Variants in FHIT observed in about 807,000 individuals in gnomAD.
FHIT encodes fragile histidine triad diadenosine triphosphatase.
FHIT carries 19 observed loss-of-function variants against 17.9 expected under a neutral mutation model. That is an observed-to-expected ratio of 1.06 (90% CI 0.74 to 1.56). The LOEUF (loss-of-function observed/expected upper bound fraction) is 1.56, where lower values mean the gene tolerates loss of function less well. FHIT is among the 40% of genes most tolerant of loss of function. FHIT has a pLI of 0.00. For synonymous variants in FHIT, 81 were observed against 69.7 expected (o/e 1.16, Z -0.81); for missense variants, 248 against 189.2 (o/e 1.31, Z -1.82).
intron 2 of FHIT, among the ~76,000 whole-genome samples, chr3:61,160,655 A>G (rs2037662065): frequency 6.6e-6 from 1 of 152,180 alleles, no homozygotes; most frequent in Non-Finnish European, 1.5e-5. Context: ...TACCATGGGG[A>G]ACAGTGAAAT....
intron 4 of FHIT, among the ~76,000 whole-genome samples, chr3:60,711,416 C>T (rs1490353649): frequency 6.6e-6 from 1 of 152,202 alleles, no homozygotes; most frequent in Non-Finnish European, 1.5e-5. Context: ...TGGAACAAAG[C>T]TGGACAGAGA....
intron 3 of FHIT, among the ~76,000 whole-genome samples, chr3:60,870,400 G>C (rs1207813046): frequency 6.6e-6 from 1 of 152,130 alleles, no homozygotes; most frequent in Non-Finnish European, 1.5e-5. Flanking sequence ...GGCCATTTAA[G>C]CTCTGTCTAG....
intron 3 of FHIT, among the ~76,000 whole-genome samples, chr3:60,911,191 T>G (rs1404059118): frequency 6.6e-6 from 1 of 152,206 alleles, no homozygotes; most frequent in Non-Finnish European, 1.5e-5. Flanking sequence ...CCAGACATTT[T>G]TCAAATATAT....
intron 5 of FHIT, among the ~76,000 whole-genome samples, chr3:60,351,555 T>G (rs200278588): frequency 1.7e-3 from 254 of 152,356 alleles, no homozygotes; most frequent in African/African-American, 5.8e-3. Flanking sequence ...GTAATACTTC[T>G]AAGTTGCATC....
intron 8 of FHIT, among the ~76,000 whole-genome samples, chr3:59,906,717 CAT>C (rs1258902643): frequency 1.3e-5 from 2 of 152,200 alleles, no homozygotes; most frequent in Non-Finnish European, 2.9e-5. Flanking sequence ...TCTCTCTTCA[CAT>C]AGTCTTTCCT....
intron 5 of FHIT, among the ~76,000 whole-genome samples, chr3:60,064,892 A>G (rs1213173954): frequency 6.6e-6 from 1 of 152,208 alleles, no homozygotes; most frequent in Non-Finnish European, 1.5e-5. Context: ...TTAATATCAT[A>G]ATCTTCCCAT....
chr3:60,712,108 G>A (rs2041551314), intron 4 of FHIT, among the ~76,000 whole-genome samples: 1 of 152,128 alleles, frequency 6.6e-6, no homozygotes, highest in Non-Finnish European at 1.5e-5. Flanking sequence ...AAGAGACTGG[G>A]GGCCAATATT....
intron 5 of FHIT, among the ~76,000 whole-genome samples, chr3:60,503,786 A>G (rs1410073997): frequency 1.3e-5 from 2 of 152,202 alleles, no homozygotes; most frequent in Non-Finnish European, 2.9e-5. Context: ...AGTTTTATCT[A>G]AAACTGTTTT....
chr3:60,069,013 G>A (rs890873490), intron 5 of FHIT, among the ~76,000 whole-genome samples: 4 of 152,156 alleles, frequency 2.6e-5, no homozygotes, highest in South Asian at 2.1e-4. Flanking sequence ...TAAAAAGAAT[G>A]AGTAAACTTG....
At position 60,403,128 on chromosome 3, in the gene FHIT, A is replaced by G. The variant is rs1263935153; in HGVS notation, c.103+133732T>C. 1.3e-5 allele frequency among the ~76,000 whole-genome samples: 2 copies of G among 152,236 alleles called. 1 individual carries two copies. The highest frequency in any genetic ancestry group is 2.9e-5 in the Non-Finnish European group (2 of 68,042). On this transcript the variant is annotated intron_variant, in intron 5 of 9. Transcript: ENST00000492590. ...CGTTCAAGTGGTACTTACTTCATTT[A>G]AAAGTAAAAGCCCGGGATAGACAAA...
chr3:60,671,787 A>G (rs1419017500), intron 4 of FHIT, among the ~76,000 whole-genome samples: 2 of 151,022 alleles, frequency 1.3e-5, no homozygotes, highest in African/African-American at 2.4e-5. Flanking sequence ...TAAAAAAAAA[A>G]AAAAACACAA....
Position 60,013,993 on chromosome 3 carries a change from A to C in FHIT, c.249+14T>G. On this transcript the variant is annotated intron_variant, in intron 6 of 9. Transcript: ENST00000492590. Reference sequence around the variant, plus strand: ...AGGGAAGAAAAATCATTTCTGAGAAATCTGTACACTCACCTGCATGGAAAA... The same window carrying C: ...AGGGAAGAAAAATCATTTCTGAGAACTCTGTACACTCACCTGCATGGAAAA... The C allele has an allele frequency of 6.2e-7, 1 of 1,612,868 alleles. No homozygotes were observed. The highest frequency in any genetic ancestry group is 1.1e-5 in the South Asian group (1 of 91,014).
intron 7 of FHIT, among the ~76,000 whole-genome samples, chr3:59,926,364 G>T (rs182665408): frequency 2.6e-5 from 4 of 152,126 alleles, no homozygotes; most frequent in African/African-American, 9.7e-5. Context: ...CCAGGGATAC[G>T]GTAATGGACA....
chr3:60,196,853 T>C (rs765821825), intron 5 of FHIT, among the ~76,000 whole-genome samples: 19 of 152,040 alleles, frequency 1.2e-4, no homozygotes, highest in Non-Finnish European at 2.5e-4. Context: ...AGCAGGATTA[T>C]ATTAGTCTCA....
At chr3:60,075,132 T>A (rs1007867929) in intron 5 of FHIT, among the ~76,000 whole-genome samples, 1 of 152,136 alleles carries the variant, frequency 6.6e-6, no homozygotes, top group African/African-American at 2.4e-5. Context: ...CTGCTCAACA[T>A]ATATGCGTCA....
Position 59,961,534 on chromosome 3 carries a change from C to T in FHIT, c.280-39120G>A, listed in dbSNP as rs541067886. Among the ~76,000 whole-genome samples, 212 of 152,264 alleles carry T rather than the reference C, an allele frequency of 1.4e-3. 1 individual carries two copies. The highest frequency in any genetic ancestry group is 2.5e-3 in the Non-Finnish European group (172 of 68,028). On this transcript the variant is annotated intron_variant, in intron 7 of 9. Transcript: ENST00000492590. ...GTTTTGTGCTTGAAATCCAGGACCCCACTGGTGTAGGCATCTGTGGGGAAT... is the reference window on the plus strand; with the variant it reads ...GTTTTGTGCTTGAAATCCAGGACCCTACTGGTGTAGGCATCTGTGGGGAAT...
At chr3:60,816,590 G>C (rs1553737772) in intron 4 of FHIT, among the ~76,000 whole-genome samples, 1 of 150,044 alleles carries the variant, frequency 6.7e-6, no homozygotes, top group Non-Finnish European at 1.5e-5. Flanking sequence ...AAGCCTACTT[G>C]ATCATGGTAA....
At chr3:61,022,075 T>C (rs756663504) in intron 3 of FHIT, among the ~76,000 whole-genome samples, 2 of 151,768 alleles carry the variant, frequency 1.3e-5, no homozygotes, top group Non-Finnish European at 1.5e-5. Flanking sequence ...TTTGAAAAGA[T>C]TAACAAAATA....
chr3:61,092,708 T>C (rs1252089994), intron 2 of FHIT, among the ~76,000 whole-genome samples: 3 of 152,174 alleles, frequency 2.0e-5, no homozygotes. Context: ...GAAATCTCTT[T>C]TATGTTTTAA....
Sources: allele counts gnomAD v4.1 joint callset (sites outside exome capture counted in the v4.1 genomes callset), GRCh38; gene constraint gnomAD v4.1.1; transcripts MANE v1.5; gene names NCBI Gene and HGNC (gene_info 2026-07-23, HGNC 2026-07-21).